Variants in PLEKHG7 observed in about 807,000 individuals in gnomAD.
PLEKHG7 encodes the protein pleckstrin homology domain-containing family G member 7.
Under a neutral mutation model 85.2 loss-of-function variants are expected in PLEKHG7, and 77 were observed. The observed-to-expected ratio is 0.90, with a 90% CI of 0.75 to 1.09. The LOEUF is 1.09. PLEKHG7 is among the 50% of genes least tolerant of loss of function. PLEKHG7 has a pLI of 0.00. For synonymous variants in PLEKHG7, 301 were observed against 302.4 expected, an observed-to-expected ratio of 1.00 and a Z score of 0.05; for missense variants, 777 against 804.3, an observed-to-expected ratio of 0.97 and a Z score of 0.41.
intron 2 of PLEKHG7, 97 bp from the exon 3 acceptor site, chr12:92,707,553 T>C: frequency 1.3e-6 from 2 of 1,541,742 alleles, no homozygotes; most frequent in Non-Finnish European, 1.8e-6. Flanking sequence ...ATGTTTTAAC[T>C]AGGAGGGCTC....
At chr12:92,758,499 G>A (rs1396656585) in intron 13 of PLEKHG7, among the ~76,000 whole-genome samples, 1 of 152,348 alleles carries the variant, frequency 6.6e-6, no homozygotes, top group East Asian at 1.9e-4. Flanking sequence ...AGCTGGAGGA[G>A]CAGCTCCTGG....
chr12:92,727,960 G>GTATA lies in PLEKHG7; in HGVS notation c.531-1032_531-1031insATAT, dbSNP rs1361201955. Among the ~76,000 whole-genome samples, 15 of 103,830 alleles carry GTATA rather than the reference G, an allele frequency of 1.4e-4. 2 individuals are homozygous for GTATA. The highest frequency in any genetic ancestry group is 1.3e-4 in the Non-Finnish European group (6 of 47,656). 68.1% of individuals were successfully genotyped at this position (103,830 alleles called of 152,430 possible). ...TGTGTGTGTGTGTGTGTGTGTGTGTGTGTATATATATATATACACATATAT... is the reference window on the plus strand; with the variant it reads ...TGTGTGTGTGTGTGTGTGTGTGTGTGTATATGTATATATATATATACACATATAT... On this transcript the variant is annotated intron_variant, in intron 3 of 16. Coordinates refer to ENST00000344636, the MANE Select transcript of PLEKHG7 (RefSeq NM_001377329.1).
At chr12:92,735,363 C>T (rs1387435494) in intron 5 of PLEKHG7, among the ~76,000 whole-genome samples, 1 of 152,184 alleles carries the variant, frequency 6.6e-6, no homozygotes, top group East Asian at 1.9e-4. Context: ...CCAGCCACAG[C>T]CCATTAGCAC....
chr12:92,749,731 G>A (rs76249514), intron 10 of PLEKHG7: 5 of 152,006 alleles, frequency 3.3e-5, no homozygotes, highest in African/African-American at 1.2e-4. Flanking sequence ...TAATGAGGTA[G>A]TTACTCTTGT....
intron 3 of PLEKHG7, among the ~76,000 whole-genome samples, chr12:92,710,702 A>T (rs1362095602): frequency 6.6e-6 from 1 of 152,188 alleles, no homozygotes; most frequent in Admixed American, 6.5e-5. Context: ...CAAACTGGGC[A>T]CTCAGAAGTG....
At chr12:92,757,217 G>C (rs1388196927) in intron 13 of PLEKHG7, among the ~76,000 whole-genome samples, 1 of 152,160 alleles carries the variant, frequency 6.6e-6, no homozygotes, top group African/African-American at 2.4e-5. Flanking sequence ...TTATTGTGAG[G>C]ATTAAATGAA....
intron 9 of PLEKHG7, among the ~76,000 whole-genome samples, chr12:92,743,980 C>T (rs1444573599): frequency 6.6e-6 from 1 of 152,192 alleles, no homozygotes; most frequent in Non-Finnish European, 1.5e-5. Context: ...CAAGGCCCAG[C>T]TATCAATATT....
intron 3 of PLEKHG7, among the ~76,000 whole-genome samples, chr12:92,725,972 G>A (rs1871786992): frequency 6.6e-6 from 1 of 152,014 alleles, no homozygotes; most frequent in Admixed American, 6.6e-5. Context: ...TGGGACTTGG[G>A]GATGAGTATT....
chr12:92,761,608 A>AAAGAAAGAAAGAAAG lies in PLEKHG7; in HGVS notation c.1637-126_1637-112dup, dbSNP rs1205613881. The AAAGAAAGAAAGAAAG allele has an allele frequency of 1.3e-5, 13 of 1,007,154 alleles. No homozygotes were observed. In the African/African-American group the frequency reaches 2.2e-4, roughly 17 times the overall value. 62.4% of individuals were successfully genotyped at this position (1,007,154 alleles called of 1,614,324 possible). On this transcript the variant is annotated intron_variant, in intron 13 of 16. Transcript: ENST00000344636. Reference sequence around the variant, plus strand: ...AGAGAGAATGAAAAGAAAGAAAGAAAAAGAAAGAAAGAAAGAAGAAAGAAA... The same window carrying AAAGAAAGAAAGAAAG: ...AGAGAGAATGAAAAGAAAGAAAGAAAAAGAAAGAAAGAAAGAAGAAAGAAAGAAAGAAGAAAGAAA...
chr12:92,768,864 C>A, intron 15 of PLEKHG7, 119 bp from the exon 16 acceptor site: 2 of 637,908 alleles, frequency 3.1e-6, no homozygotes, highest in East Asian at 3.0e-5. Context: ...AAACCTCCCA[C>A]CCTCGTTAAA....
intron 15 of PLEKHG7, among the ~76,000 whole-genome samples, chr12:92,765,098 C>T (rs1197532408): frequency 6.6e-6 from 1 of 152,136 alleles, no homozygotes; most frequent in African/African-American, 2.4e-5. Context: ...ATAGGACTGA[C>T]TCATACATAA....
At chr12:92,731,312 G>A (rs1309155863) in intron 4 of PLEKHG7, among the ~76,000 whole-genome samples, 1 of 152,212 alleles carries the variant, frequency 6.6e-6, no homozygotes, top group Non-Finnish European at 1.5e-5. Flanking sequence ...AAATGAATGA[G>A]AGGATAATCT....
chr12:92,705,952 A>C (rs1871217450), intron 1 of PLEKHG7, among the ~76,000 whole-genome samples: 1 of 152,184 alleles, frequency 6.6e-6, no homozygotes, highest in Non-Finnish European at 1.5e-5. Context: ...CCAAAATGTA[A>C]AGATTGATAG....
chr12:92,730,707 G>T (rs1270320800), intron 4 of PLEKHG7, among the ~76,000 whole-genome samples: 1 of 152,232 alleles, frequency 6.6e-6, no homozygotes, highest in African/African-American at 2.4e-5. Flanking sequence ...GGCGCAAGCC[G>T]CTGTGCCCAG....
At chr12:92,733,202 C>T (rs370761718) in intron 5 of PLEKHG7, among the ~76,000 whole-genome samples, 1 of 152,158 alleles carries the variant, frequency 6.6e-6, no homozygotes, top group East Asian at 1.9e-4. Context: ...ATTACTCTCC[C>T]TCAACTCAGA....
intron 3 of PLEKHG7, among the ~76,000 whole-genome samples, chr12:92,715,977 T>C (rs1362982886): frequency 6.6e-6 from 1 of 152,238 alleles, no homozygotes; most frequent in Non-Finnish European, 1.5e-5. Context: ...TAAGAAATGC[T>C]TGCCTCTGTG....
intron 15 of PLEKHG7, among the ~76,000 whole-genome samples, chr12:92,767,410 C>T (rs943617281): frequency 6.6e-6 from 1 of 151,932 alleles, no homozygotes; most frequent in Non-Finnish European, 1.5e-5. Flanking sequence ...TTCCAAAAAC[C>T]AGCCAAGAAC....
At chr12:92,739,092 G>A (rs1240552323) in intron 7 of PLEKHG7, among the ~76,000 whole-genome samples, 1 of 152,210 alleles carries the variant, frequency 6.6e-6, no homozygotes, top group Admixed American at 6.5e-5. Flanking sequence ...CTCTCACCCT[G>A]CCTTCCATGG....
At chr12:92,704,778 A>C (rs531427282) in intron 1 of PLEKHG7, among the ~76,000 whole-genome samples, 9 of 152,302 alleles carry the variant, frequency 5.9e-5, no homozygotes, top group African/African-American at 2.2e-4. Context: ...GGGTCTCACT[A>C]TGTTGCCCAG....
Sources: gnomAD v4.1 joint callset for allele counts (sites outside exome capture counted in the v4.1 genomes callset) on GRCh38, gnomAD v4.1.1 for gene constraint, MANE v1.5 for transcripts, NCBI Gene and HGNC (gene_info 2026-07-23, HGNC 2026-07-21) for gene names.